Variants in CPED1 observed in about 807,000 individuals in gnomAD.
CPED1 encodes the protein cadherin like and PC-esterase domain containing 1, also known as cadherin-like and PC-esterase domain-containing protein 1.
Under a neutral mutation model 128.2 loss-of-function variants are expected in CPED1, and 114 were observed. That is an observed-to-expected ratio of 0.89 (90% CI 0.76 to 1.04). The LOEUF is 1.04. Ranked by LOEUF, CPED1 falls within the 50% of genes least tolerant of loss-of-function variation. CPED1 has a pLI of 0.00. For synonymous variants in CPED1, 462 were observed against 426.7 expected (o/e 1.08, Z -1.02); for missense variants, 1,211 against 1,207.1 (o/e 1.00, Z -0.05).
At chr7:121,090,723 C>T (rs969870214) in intron 5 of CPED1, among the ~76,000 whole-genome samples, 16 of 152,060 alleles carry the variant, frequency 1.1e-4, no homozygotes, top group African/African-American at 3.9e-4. Context: ...CCAAGGAGGG[C>T]AGATCTCCTG....
chr7:121,292,783 G>A (rs910695761), intron 22 of CPED1, among the ~76,000 whole-genome samples: 3 of 152,100 alleles, frequency 2.0e-5, no homozygotes, highest in African/African-American at 4.8e-5. Context: ...CCGCTCTTCT[G>A]CAAGTCTGCT....
chr7:121,011,281 G>A (rs1408799027), intron 2 of CPED1, among the ~76,000 whole-genome samples: 3 of 152,022 alleles, frequency 2.0e-5, no homozygotes, highest in Non-Finnish European at 4.4e-5. Context: ...TTCACGGTAA[G>A]TCTTAGTAAA....
intron 18 of CPED1, among the ~76,000 whole-genome samples, chr7:121,254,667 A>T (rs1015751250): frequency 2.6e-5 from 4 of 151,924 alleles, no homozygotes; most frequent in Admixed American, 6.6e-5. Context: ...TAACTAGATT[A>T]ACAACAACAA....
chr7:121,035,043 A>C lies in CPED1; in HGVS notation c.434-11844A>C, dbSNP rs188508603. Among the ~76,000 whole-genome samples the C allele has an allele frequency of 2.0e-5, 3 of 152,312 alleles. No homozygotes were observed. In the East Asian group the frequency reaches 5.8e-4, roughly 29 times the overall value. On this transcript the variant is annotated intron_variant, in intron 3 of 22. Coordinates refer to ENST00000310396, the MANE Select transcript of CPED1 (RefSeq NM_024913.5). ...AATATAGGAGGGAAGAGCATTCAAA[A>C]GTGTGAGCTCCATACTAGAGGCATA...
chr7:121,118,539 A>G (rs969441109), intron 7 of CPED1, among the ~76,000 whole-genome samples: 5 of 148,146 alleles, frequency 3.4e-5, no homozygotes, highest in East Asian at 4.1e-4. Context: ...CAGCCTGGCT[A>G]CAGAGCAAGA....
At chr7:121,223,250 G>A (rs1797927226) in intron 16 of CPED1, among the ~76,000 whole-genome samples, 1 of 152,128 alleles carries the variant, frequency 6.6e-6, no homozygotes, top group South Asian at 2.1e-4. Context: ...TTTATGTGAT[G>A]GATTACCTTT....
intron 18 of CPED1, chr7:121,261,490 C>T (rs1450349375): frequency 8.2e-7 from 1 of 1,220,748 alleles, no homozygotes; most frequent in Non-Finnish European, 1.2e-6. Context: ...CACAACTTGA[C>T]TATATTTCTC....
At chr7:121,108,474 C>A (rs1054695937) in intron 7 of CPED1, among the ~76,000 whole-genome samples, 8 of 152,076 alleles carry the variant, frequency 5.3e-5, no homozygotes, top group African/African-American at 1.9e-4. Flanking sequence ...AAAATTCATT[C>A]TTCCAGCTCA....
chr7:121,275,168 A>T (rs1439486296), intron 22 of CPED1, among the ~76,000 whole-genome samples: 2 of 152,222 alleles, frequency 1.3e-5, no homozygotes, highest in African/African-American at 4.8e-5. Flanking sequence ...TCTATCATAG[A>T]CATAACAAAC....
At chr7:121,259,945 A>T (rs2116731526) in intron 18 of CPED1, among the ~76,000 whole-genome samples, 1 of 152,150 alleles carries the variant, frequency 6.6e-6, no homozygotes, top group Non-Finnish European at 1.5e-5. Context: ...TAAATTTTCA[A>T]AGTGTGGCTA....
At chr7:121,065,532 CT>C (rs1793809965) in intron 5 of CPED1, among the ~76,000 whole-genome samples, 1 of 151,982 alleles carries the variant, frequency 6.6e-6, no homozygotes, top group South Asian at 2.1e-4. Context: ...AAGTGTTTTT[CT>C]TTGTTGCTAT....
chr7:121,285,228 G>A (rs1792541581), intron 22 of CPED1, among the ~76,000 whole-genome samples: 1 of 152,180 alleles, frequency 6.6e-6, no homozygotes, highest in African/African-American at 2.4e-5. Context: ...GGGACACAGG[G>A]CAGTATGTCC....
At chr7:121,100,843 T>A (rs1160912414) in intron 7 of CPED1, among the ~76,000 whole-genome samples, 1 of 152,154 alleles carries the variant, frequency 6.6e-6, no homozygotes, top group Non-Finnish European at 1.5e-5. Context: ...GAATTTACCT[T>A]CATAAACTGA....
At chr7:121,252,635 G>A (rs1001693134) in intron 18 of CPED1, among the ~76,000 whole-genome samples, 12 of 151,232 alleles carry the variant, frequency 7.9e-5, no homozygotes, top group South Asian at 2.1e-4. Flanking sequence ...AAAACAACCC[G>A]ATCAAAAAGT....
chr7:121,128,334 G>C (rs372030397), intron 10 of CPED1, 48 bp from the exon 11 acceptor site: 5 of 1,059,558 alleles, frequency 4.7e-6, no homozygotes, highest in Non-Finnish European at 7.3e-6. Context: ...GTTGAACATG[G>C]TTTGACTTTT....
intron 16 of CPED1, among the ~76,000 whole-genome samples, chr7:121,166,882 A>G (rs1176831477): frequency 1.3e-5 from 2 of 152,168 alleles, no homozygotes; most frequent in East Asian, 1.9e-4. Flanking sequence ...GAGGATCATG[A>G]TCTACAAGTA....
At chr7:121,114,963 C>T (rs1222232535) in intron 7 of CPED1, among the ~76,000 whole-genome samples, 1 of 152,194 alleles carries the variant, frequency 6.6e-6, no homozygotes, top group Non-Finnish European at 1.5e-5. Context: ...TGAATTAACA[C>T]CTTATGGTTT....
At chr7:121,232,330 G>A (rs1279393729) in intron 16 of CPED1, among the ~76,000 whole-genome samples, 1 of 152,086 alleles carries the variant, frequency 6.6e-6, no homozygotes, top group Non-Finnish European at 1.5e-5. Context: ...CCATGGATGG[G>A]AGTAGCAGAT....
chr7:121,093,610 T>G (rs1354415139), intron 5 of CPED1, among the ~76,000 whole-genome samples: 1 of 152,160 alleles, frequency 6.6e-6, no homozygotes, highest in African/African-American at 2.4e-5. Flanking sequence ...CCTTGTCCCC[T>G]GGCATCTAGC....
Sources: gnomAD v4.1 joint callset for allele counts (sites outside exome capture counted in the v4.1 genomes callset) on GRCh38, gnomAD v4.1.1 for gene constraint, MANE v1.5 for transcripts, NCBI Gene and HGNC (gene_info 2026-07-23, HGNC 2026-07-21) for gene names.